Variants in CNTNAP5 observed in about 807,000 individuals in gnomAD.
The protein encoded by CNTNAP5 is contactin-associated protein-like 5.
In CNTNAP5, 72 loss-of-function variants were observed where a neutral mutation model predicts 150.2. The observed-to-expected ratio is 0.48, with a 90% CI of 0.40 to 0.58. CNTNAP5 has a LOEUF of 0.58. Among genes scored for constraint, CNTNAP5 ranks in the 20% least tolerant of loss-of-function variants. The pLI is 0.00. For synonymous variants in CNTNAP5, 672 were observed against 619.8 expected, an observed-to-expected ratio of 1.08 and a Z score of -1.25; for missense variants, 1,636 against 1,626.2, an observed-to-expected ratio of 1.01 and a Z score of -0.10.
chr2:124,504,424 TGGA>T lies in CNTNAP5; in HGVS notation c.1196_1198del (p.Trp399_Asn400delinsTyr). 6.2e-7 allele frequency: 1 copy of T among 1,613,878 alleles called. No individual in the cohort carries two copies. The stretch of plus-strand genomic sequence containing the variant: ...CTCAGTGAGTTTCCAGTTTCGAACA[TGGA>T]ACAAGGATGGTCTGCTTCTGTCCAC... On this transcript the variant is annotated inframe_deletion, in exon 8 of 24. Coordinates refer to ENST00000682447, the MANE Select transcript of CNTNAP5 (RefSeq NM_001367498.1).
At chr2:124,073,246 C>A (rs1573734170) in intron 1 of CNTNAP5, among the ~76,000 whole-genome samples, 2 of 152,216 alleles carry the variant, frequency 1.3e-5, no homozygotes, top group Non-Finnish European at 2.9e-5. Flanking sequence ...AGACCTCATA[C>A]TATGAAACTC....
intron 13 of CNTNAP5, among the ~76,000 whole-genome samples, chr2:124,708,790 T>C (rs1679746995): frequency 6.6e-6 from 1 of 152,218 alleles, no homozygotes; most frequent in Non-Finnish European, 1.5e-5. Flanking sequence ...CACTAATTGC[T>C]GAGTTCTCTA....
chr2:124,227,640 A>ATGTGTG (rs200129722), intron 2 of CNTNAP5, among the ~76,000 whole-genome samples: 7,068 of 143,314 alleles, frequency 0.049, 188 homozygotes, highest in Middle Eastern at 0.068. Flanking sequence ...CATCGTGTGT[A>ATGTGTG]TGTGTGTGTG....
chr2:124,750,877 A>T (rs537528180), intron 14 of CNTNAP5, among the ~76,000 whole-genome samples: 2 of 150,810 alleles, frequency 1.3e-5, no homozygotes, highest in African/African-American at 4.9e-5. Flanking sequence ...TCAGCTACTC[A>T]GGAGGCTGAG....
chr2:124,439,656 C>A (rs1692626504), intron 5 of CNTNAP5, among the ~76,000 whole-genome samples: 1 of 152,072 alleles, frequency 6.6e-6, no homozygotes, highest in African/African-American at 2.4e-5. Flanking sequence ...AGAGTCAAGT[C>A]CATTGAATCA....
intron 5 of CNTNAP5, among the ~76,000 whole-genome samples, chr2:124,442,977 T>C (rs1692713703): frequency 6.6e-6 from 1 of 152,122 alleles, no homozygotes; most frequent in Non-Finnish European, 1.5e-5. Context: ...AAGGCACTCC[T>C]AGGCATTTAA....
chr2:124,705,121 T>C (rs1309952905), intron 13 of CNTNAP5, among the ~76,000 whole-genome samples: 2 of 152,124 alleles, frequency 1.3e-5, no homozygotes, highest in Admixed American at 6.5e-5. Context: ...AGTTATGTAT[T>C]ACACACACAC....
At chr2:124,309,600 A>G (rs1260569958) in intron 3 of CNTNAP5, among the ~76,000 whole-genome samples, 1 of 152,238 alleles carries the variant, frequency 6.6e-6, no homozygotes, top group Non-Finnish European at 1.5e-5. Flanking sequence ...AATGGGGTCC[A>G]ATGATGATGT....
chr2:124,676,395 T>C (rs1208435841), intron 13 of CNTNAP5, among the ~76,000 whole-genome samples: 1 of 152,206 alleles, frequency 6.6e-6, no homozygotes, highest in African/African-American at 2.4e-5. Context: ...AAAACCCTTA[T>C]TGTCATACCA....
chr2:124,426,900 T>C (rs959191787), intron 4 of CNTNAP5, among the ~76,000 whole-genome samples: 1 of 152,158 alleles, frequency 6.6e-6, no homozygotes, highest in South Asian at 2.1e-4. Context: ...TGGCTCTGTC[T>C]TGACCCAAAA....
At chr2:124,897,546 C>A in intron 21 of CNTNAP5, among the ~76,000 whole-genome samples, 1 of 151,440 alleles carries the variant, frequency 6.6e-6, no homozygotes, top group East Asian at 1.9e-4. Flanking sequence ...CATGTCTGAG[C>A]AAGTTAGCTC....
At position 124,674,409 on chromosome 2, in the gene CNTNAP5, TTCCC is replaced by T. The variant is rs1026065014; in HGVS notation, c.2077+26463_2077+26466del. ...CTTTGTTCTTTCTTTCCTTCCTTCC[TTCCC>T]TCCCTCCCTCCTCCTCTCCTCTCCT... On this transcript the variant is annotated intron_variant, in intron 13 of 23. Transcript: ENST00000682447. Among the ~76,000 whole-genome samples the T allele has an allele frequency of 1.1e-4, 14 of 129,168 alleles. 1 individual carries two copies. Among genetic ancestry groups the T allele is most frequent in the African/African-American group, 3.4e-4 (12 of 34,806 alleles). 84.7% of individuals were successfully genotyped at this position (129,168 alleles called of 152,430 possible).
At chr2:124,848,433 A>G (rs1287626324) in intron 19 of CNTNAP5, among the ~76,000 whole-genome samples, 1 of 152,226 alleles carries the variant, frequency 6.6e-6, no homozygotes, top group African/African-American at 2.4e-5. Flanking sequence ...GGTTATTTCT[A>G]TATCTTGGCT....
rs759667525 is a variant in CNTNAP5 at position 124,851,517 on chromosome 2, G to A, written c.3218-13789G>A. ...GATAACGATGAGAAGGAAAGAATACGTTGGCATCAGATAAAAAATGAGGAT... is the reference window on the plus strand; with the variant it reads ...GATAACGATGAGAAGGAAAGAATACATTGGCATCAGATAAAAAATGAGGAT... On this transcript the variant is annotated intron_variant, in intron 19 of 23. Transcript: ENST00000682447. Among the ~76,000 whole-genome samples the A allele has an allele frequency of 1.8e-4, 27 of 152,170 alleles. 1 individual carries two copies. Among genetic ancestry groups the A allele is most frequent in the Non-Finnish European group, 3.4e-4 (23 of 68,034 alleles).
At chr2:124,294,336 T>C (rs1190517565) in intron 3 of CNTNAP5, among the ~76,000 whole-genome samples, 2 of 152,166 alleles carry the variant, frequency 1.3e-5, no homozygotes, top group Admixed American at 6.5e-5. Flanking sequence ...TGAGAAGTAT[T>C]ATAAAATAAG....
chr2:124,291,871 G>T (rs1688303503), intron 3 of CNTNAP5, among the ~76,000 whole-genome samples: 2 of 152,046 alleles, frequency 1.3e-5, no homozygotes, highest in Admixed American at 1.3e-4. Context: ...ACATGGTGTG[G>T]TCTTCTGTGC....
At chr2:124,803,041 G>A (rs930634981) in intron 19 of CNTNAP5, among the ~76,000 whole-genome samples, 12 of 151,794 alleles carry the variant, frequency 7.9e-5, no homozygotes, top group Non-Finnish European at 1.5e-4. Flanking sequence ...TGTGAACCCG[G>A]GAGGTGGAGC....
chr2:124,155,405 T>C (rs977296448), intron 1 of CNTNAP5, among the ~76,000 whole-genome samples: 1 of 152,056 alleles, frequency 6.6e-6, no homozygotes, highest in Non-Finnish European at 1.5e-5. Flanking sequence ...TGTCTGCAGT[T>C]GGAAATATAC....
At chr2:124,161,402 G>A (rs1418208554) in intron 1 of CNTNAP5, among the ~76,000 whole-genome samples, 6 of 152,072 alleles carry the variant, frequency 3.9e-5, no homozygotes, top group African/African-American at 1.4e-4. Context: ...TGGCTTCCTA[G>A]CACCTAGGAA....
Sources: gnomAD v4.1 joint callset for allele counts (sites outside exome capture counted in the v4.1 genomes callset) on GRCh38, gnomAD v4.1.1 for gene constraint, MANE v1.5 for transcripts, NCBI Gene and HGNC (gene_info 2026-07-23, HGNC 2026-07-21) for gene names.